Variants in CNTNAP5 observed in about 807,000 individuals in gnomAD.
The protein encoded by CNTNAP5 is contactin associated protein family member 5.
A neutral mutation model predicts 150.2 loss-of-function variants in CNTNAP5; 72 were observed. The observed-to-expected ratio is 0.48, with a 90% confidence interval of 0.40 to 0.58. The LOEUF is 0.58. Among genes scored for constraint, CNTNAP5 ranks in the 20% least tolerant of loss-of-function variants. The pLI, the probability that CNTNAP5 is intolerant of heterozygous loss-of-function variation, is 0.00. For synonymous variants in CNTNAP5, 672 were observed against 619.8 expected (o/e 1.08, Z -1.25); for missense variants, 1,636 against 1,626.2 (o/e 1.01, Z -0.10).
chr2:124,066,240 C>T (rs973410650), intron 1 of CNTNAP5, among the ~76,000 whole-genome samples: 1 of 152,168 alleles, frequency 6.6e-6, no homozygotes, highest in African/African-American at 2.4e-5. Flanking sequence ...CACACTAAAA[C>T]TCTGGACTGT....
chr2:124,383,285 G>A (rs545896076), intron 3 of CNTNAP5, among the ~76,000 whole-genome samples: 3 of 152,292 alleles, frequency 2.0e-5, no homozygotes, highest in Admixed American at 6.5e-5. Context: ...CCGTCTTGGA[G>A]CAAACATTAG....
At chr2:124,431,920 T>C (rs893226265) in intron 4 of CNTNAP5, among the ~76,000 whole-genome samples, 1 of 151,958 alleles carries the variant, frequency 6.6e-6, no homozygotes, top group Admixed American at 6.6e-5. Context: ...CTCTCCTTAG[T>C]TTAATGTCTT....
intron 3 of CNTNAP5, among the ~76,000 whole-genome samples, chr2:124,400,677 T>TTTG (rs1558884152): frequency 8.8e-5 from 8 of 90,716 alleles, no homozygotes; most frequent in Non-Finnish European, 1.5e-4. Context: ...TTGTTTTTTT[T>TTTG]TTTTTTTTTT....
Position 124,846,157 on chromosome 2 carries a change from C to T in CNTNAP5, c.3218-19149C>T, listed in dbSNP as rs190395096. On this transcript the variant is annotated intron_variant, in intron 19 of 23. Coordinates refer to ENST00000682447, the MANE Select transcript of CNTNAP5 (RefSeq NM_001367498.1). ...GTAGACATTTAATGCCATAAACTTT[C>T]CTCTTAGCACCACTTTTGCTGTATC... is the stretch of plus-strand genomic sequence containing the variant. Among the ~76,000 whole-genome samples the T allele has an allele frequency of 6.4e-3, 975 of 152,164 alleles. 5 individuals carry two copies. The highest frequency in any genetic ancestry group is 0.011 in the Non-Finnish European group (763 of 68,010).
intron 3 of CNTNAP5, among the ~76,000 whole-genome samples, chr2:124,308,924 C>G (rs1573906545): frequency 6.6e-6 from 1 of 152,134 alleles, no homozygotes; most frequent in Non-Finnish European, 1.5e-5. Flanking sequence ...AGCTGCACAA[C>G]CCTGAGTTAT....
chr2:124,380,556 T>A (rs1002102889), intron 3 of CNTNAP5, among the ~76,000 whole-genome samples: 1 of 152,216 alleles, frequency 6.6e-6, no homozygotes. Context: ...ACATATCATG[T>A]ACTTTAGCAC....
At chr2:124,335,174 C>G (rs1689441365) in intron 3 of CNTNAP5, among the ~76,000 whole-genome samples, 2 of 152,096 alleles carry the variant, frequency 1.3e-5, no homozygotes, top group South Asian at 4.1e-4. Context: ...ACCTGTCAAT[C>G]TATGACATTG....
chr2:124,194,681 TA>T (rs1685540532), intron 1 of CNTNAP5, among the ~76,000 whole-genome samples: 1 of 150,412 alleles, frequency 6.6e-6, no homozygotes, highest in Non-Finnish European at 1.5e-5. Context: ...AATGAAATAA[TA>T]ATAATGTAAT....
intron 8 of CNTNAP5, among the ~76,000 whole-genome samples, chr2:124,516,076 G>T (rs1037034415): frequency 3.9e-5 from 6 of 152,158 alleles, no homozygotes; most frequent in African/African-American, 1.4e-4. Flanking sequence ...ACAAAAATAA[G>T]AGAGGGAATT....
intron 1 of CNTNAP5, among the ~76,000 whole-genome samples, chr2:124,082,375 G>A (rs1682580604): frequency 2.1e-5 from 3 of 143,280 alleles, no homozygotes; most frequent in Non-Finnish European, 1.5e-5. Flanking sequence ...AAAAAAAAAG[G>A]ACTCATACAG....
At chr2:124,148,018 C>T (rs531196344) in intron 1 of CNTNAP5, among the ~76,000 whole-genome samples, 3 of 152,296 alleles carry the variant, frequency 2.0e-5, no homozygotes, top group South Asian at 2.1e-4. Context: ...TTGATGGCCA[C>T]GCTGGCTGCG....
intron 11 of CNTNAP5, among the ~76,000 whole-genome samples, chr2:124,586,560 CTTAT>C (rs753591803): frequency 6.6e-6 from 1 of 152,150 alleles, no homozygotes; most frequent in Non-Finnish European, 1.5e-5. Flanking sequence ...AAAGTCATTT[CTTAT>C]TTAAACTTTC....
chr2:124,858,055 C>T lies in CNTNAP5; in HGVS notation c.3218-7251C>T, dbSNP rs182842530. 1.1e-3 allele frequency among the ~76,000 whole-genome samples: 171 copies of T among 152,150 alleles called. 1 individual carries two copies. The highest frequency in any genetic ancestry group is 3.9e-3 in the African/African-American group (160 of 41,482). ...AATTAGGTATTGATGGGACATATCT[C>T]AAAATAATAAGAGCTATTTATGACA... On this transcript the variant is annotated intron_variant, in intron 19 of 23. Coordinates refer to ENST00000682447, the MANE Select transcript of CNTNAP5 (RefSeq NM_001367498.1).
chr2:124,367,616 C>G (rs150734199), intron 3 of CNTNAP5, among the ~76,000 whole-genome samples: 367 of 152,286 alleles, frequency 2.4e-3, no homozygotes, highest in African/African-American at 8.4e-3. Context: ...AGTGTGACAC[C>G]ATGTAAGTTA....
chr2:124,347,342 G>C lies in CNTNAP5; in HGVS notation c.382-70101G>C, dbSNP rs543028941. Among the ~76,000 whole-genome samples, 163 of 152,202 alleles carry C rather than the reference G, an allele frequency of 1.1e-3. 4 individuals carry two copies. The South Asian group carries it at 0.033, about 31-fold the overall frequency. On this transcript the variant is annotated intron_variant, in intron 3 of 23. Coordinates refer to ENST00000682447, the MANE Select transcript of CNTNAP5 (RefSeq NM_001367498.1). ...TCCTACCTCTTCTTCACTGCAGAGC[G>C]TGACAGAGTCTGGGAGACTGAGGGG...
At chr2:124,870,155 C>CT (rs1002353349) in intron 21 of CNTNAP5, among the ~76,000 whole-genome samples, 47 of 144,862 alleles carry the variant, frequency 3.2e-4, no homozygotes, top group South Asian at 8.8e-4. Flanking sequence ...AATAGTGAAT[C>CT]TTTTTTTTTT....
At chr2:124,316,804 CAAAAAAA>C (rs56812690) in intron 3 of CNTNAP5, among the ~76,000 whole-genome samples, 591 of 54,774 alleles carry the variant, frequency 0.011, 2 homozygotes, top group African/African-American at 0.022. Flanking sequence ...GACTCCATCT[CAAAAAAA>C]AAAAAAAAAA....
At chr2:124,492,022 C>T (rs754239818) in intron 7 of CNTNAP5, among the ~76,000 whole-genome samples, 1 of 152,038 alleles carries the variant, frequency 6.6e-6, no homozygotes, top group Non-Finnish European at 1.5e-5. Context: ...GTATAGTACC[C>T]TCTTATCAGA....
Position 124,388,915 on chromosome 2 carries a change from C to T in CNTNAP5, c.382-28528C>T, listed in dbSNP as rs1483811590. ...AGGCTGCACGGGGTCCATTTTTGTG[C>T]TCACCGTTATTCCTACAGCCTCACA... is the stretch of plus-strand genomic sequence containing the variant. On this transcript the variant is annotated intron_variant, in intron 3 of 23. Transcript: ENST00000682447. Among the ~76,000 whole-genome samples, 4 of 152,082 alleles carry T rather than the reference C, an allele frequency of 2.6e-5. No homozygotes were observed. The East Asian group carries it at 7.7e-4, about 29-fold the overall frequency.
Sources: gnomAD v4.1 joint callset for allele counts (sites outside exome capture counted in the v4.1 genomes callset) on GRCh38, gnomAD v4.1.1 for gene constraint, MANE v1.5 for transcripts, NCBI Gene and HGNC (gene_info 2026-07-23, HGNC 2026-07-21) for gene names.